Variants in PDE4DIP observed in about 807,000 individuals in gnomAD.
PDE4DIP encodes the protein myomegalin.
In PDE4DIP, 59 loss-of-function variants were observed where a neutral mutation model predicts 221.4. The observed-to-expected ratio is 0.27, with a 90% confidence interval of 0.22 to 0.33. The LOEUF (loss-of-function observed/expected upper bound fraction) is 0.33. Among genes scored for constraint, PDE4DIP ranks in the 10% least tolerant of loss-of-function variants. The pLI is 1.00. For missense variants in PDE4DIP, 1,036 were observed against 2,154.2 expected, an observed-to-expected ratio of 0.48 and a Z score of 10.28; for synonymous variants, 404 against 815.9, an observed-to-expected ratio of 0.50 and a Z score of 8.60.
intron 9 of PDE4DIP, among the ~76,000 whole-genome samples, chr1:148,963,732 C>T: frequency 6.8e-6 from 1 of 147,482 alleles, no homozygotes; most frequent in Non-Finnish European, 1.5e-5. Context: ...TTTCTTTCCT[C>T]TCTCTTTCTT....
intron 1 of PDE4DIP, among the ~76,000 whole-genome samples, chr1:148,819,916 CTTTTTTTTTTT>C (rs10699564): frequency 2.0e-4 from 7 of 34,786 alleles, no homozygotes; most frequent in South Asian, 1.7e-3. Context: ...CTGTTTATAT[CTTTTTTTTTTT>C]TTTTTTTTTT....
At chr1:148,893,304 C>G (rs1553439073) in intron 1 of PDE4DIP, among the ~76,000 whole-genome samples, 1 of 121,012 alleles carries the variant, frequency 8.3e-6, no homozygotes, top group Non-Finnish European at 1.7e-5. Flanking sequence ...TGCATTAAGA[C>G]CTATTGTCAA....
In PDE4DIP at chr1:148,892,147, A is replaced by G. The variant is rs1180751579; in HGVS notation, c.141+2253A>G. ...GTAGCTGGGACTACAGACCCCTGCT[A>G]CCACACCTGGCTAATTTTCGTATTT... On this transcript the variant is annotated intron_variant, in intron 1 of 43. Transcript: ENST00000369354. Among the ~76,000 whole-genome samples, 8 of 119,660 alleles carry G rather than the reference A, an allele frequency of 6.7e-5. 2 individuals carry two copies. Among genetic ancestry groups the G allele is most frequent in the Non-Finnish European group, 8.3e-5 (5 of 60,452 alleles). The allele number at this position is 119,660 out of a possible 152,430, so 78.5% of individuals were successfully genotyped here.
At chr1:148,999,992 C>A (rs587742099) in intron 23 of PDE4DIP, among the ~76,000 whole-genome samples, 2 of 151,506 alleles carry the variant, frequency 1.3e-5, no homozygotes, top group African/African-American at 4.9e-5. Flanking sequence ...TATACACATG[C>A]GCCCTCTTTA....
chr1:148,933,073 G>C (rs1327840131), intron 4 of PDE4DIP, among the ~76,000 whole-genome samples: 1 of 152,110 alleles, frequency 6.6e-6, no homozygotes, highest in African/African-American at 2.4e-5. Flanking sequence ...CATTTCCGTT[G>C]TTTATAAGCC....
At chr1:148,934,439 C>T (rs1363564021) in intron 4 of PDE4DIP, among the ~76,000 whole-genome samples, 2 of 152,140 alleles carry the variant, frequency 1.3e-5, no homozygotes, top group Non-Finnish European at 2.9e-5. Flanking sequence ...AGAACAGATC[C>T]TCTGTGGAGA....
At chr1:149,030,124 A>C in intron 42 of PDE4DIP, 108 bp from the exon 46 acceptor site, 1 of 982,902 alleles carries the variant, frequency 1.0e-6, no homozygotes, top group South Asian at 1.5e-5. Context: ...AGGAGACTCC[A>C]AGCTGAATAG....
exon 44 of PDE4DIP, chr1:149,032,959 T>C (rs8947): frequency 0.38 from 70,686 of 187,160 alleles, 12,695 homozygotes; most frequent in East Asian, 0.54. Context: ...AAAATGAAAG[T>C]CTTTTTGGTG....
intron 1 of PDE4DIP, among the ~76,000 whole-genome samples, chr1:148,838,734 T>G (rs1166279820): frequency 9.1e-6 from 1 of 110,034 alleles, no homozygotes; most frequent in African/African-American, 3.0e-5. Context: ...GAAATTCTGC[T>G]GAAAATCTCC....
intron 5 of PDE4DIP, chr1:148,953,215 G>A (rs1553494499): frequency 6.2e-7 from 1 of 1,613,528 alleles, no homozygotes; most frequent in Non-Finnish European, 8.5e-7. Context: ...TGGAGAATGA[G>A]GATCAGATCC....
exon 31 of PDE4DIP, chr1:149,010,581 A>G (rs782115190): frequency 6.2e-7 from 1 of 1,614,082 alleles, no homozygotes; most frequent in African/African-American, 1.3e-5. Flanking sequence ...AAGGAGGCCA[A>G]CCAGGCCCAT....
chr1:149,005,060 A>G, exon 27 of PDE4DIP: 1 of 1,612,646 alleles, frequency 6.2e-7, no homozygotes, highest in Non-Finnish European at 8.5e-7. Flanking sequence ...GGGTATATGG[A>G]AAGTCAGAAA....
chr1:148,901,736 C>T lies in PDE4DIP; in HGVS notation c.141+11842C>T, dbSNP rs1212161994. 1.4e-4 allele frequency among the ~76,000 whole-genome samples: 13 copies of T among 93,456 alleles called. No homozygotes were observed. In the Admixed American group the frequency reaches 1.5e-3, roughly 11 times the overall value. 61.3% of individuals were successfully genotyped at this position (93,456 alleles called of 152,430 possible). On this transcript the variant is annotated intron_variant, in intron 1 of 43. Coordinates refer to ENST00000369354, the Ensembl canonical transcript of PDE4DIP. ...TGGAGCTGCAGAAAGAGGGTCTAGG[C>T]ACTGGTCAAGGGCCTGAAGTCAGCC... is the stretch of plus-strand genomic sequence containing the variant.
chr1:149,024,386 G>C, intron 37 of PDE4DIP, 59 bp from the exon 41 acceptor site: 1 of 1,415,030 alleles, frequency 7.1e-7, no homozygotes. Flanking sequence ...CACAGAGGAG[G>C]GTTCTGACAA....
intron 17 of PDE4DIP, among the ~76,000 whole-genome samples, chr1:148,976,431 A>G (rs1243944248): frequency 1.3e-5 from 2 of 152,206 alleles, no homozygotes; most frequent in Admixed American, 1.3e-4. Context: ...GACTCAAATC[A>G]CCTTGTCTGT....
intron 5 of PDE4DIP, chr1:148,952,817 T>A (rs2053861930): frequency 3.7e-6 from 5 of 1,354,376 alleles, no homozygotes; most frequent in Non-Finnish European, 5.1e-6. Context: ...CCGAGAGCTG[T>A]GTGGAAACCA....
chr1:148,948,896 A>G (rs1362426665), intron 5 of PDE4DIP, among the ~76,000 whole-genome samples: 1 of 152,088 alleles, frequency 6.6e-6, no homozygotes. Context: ...TGTTTTTCCT[A>G]TAGTCTGTTA....
intron 5 of PDE4DIP, among the ~76,000 whole-genome samples, chr1:148,954,813 G>T (rs1553500334): frequency 6.6e-6 from 1 of 152,098 alleles, no homozygotes; most frequent in East Asian, 1.9e-4. Context: ...AAACATTCTG[G>T]CATGTTCCAC....
At position 148,966,593 on chromosome 1, in the gene PDE4DIP, A is replaced by C. The variant is rs782275826; in HGVS notation, c.1404A>C (p.Glu468Asp). Residue 468 changes from glutamate (E) to aspartate (D), a missense_variant, in exon 11 of 44, where the codon GAA becomes GAC. By Grantham distance (45) the Glu-to-Asp change is conservative. Transcript: ENST00000369354. ...GAGATAACTCAGACAAAACCCTTGAAGCAAATGAAATGTTGCTTGAGAAAC... is the reference window on the plus strand; with the variant it reads ...GAGATAACTCAGACAAAACCCTTGACGCAAATGAAATGTTGCTTGAGAAAC... 6 of 1,552,390 alleles carry C rather than the reference A, an allele frequency of 3.9e-6. No homozygotes were observed. The South Asian group carries it at 6.7e-5, about 17-fold the overall frequency.
Sources: gnomAD v4.1 joint callset for allele counts (sites outside exome capture counted in the v4.1 genomes callset) on GRCh38, gnomAD v4.1.1 for gene constraint, MANE v1.5 for transcripts, NCBI Gene and HGNC (gene_info 2026-07-23, HGNC 2026-07-21) for gene names.